CSMD1: variants seen among roughly 807,000 people sequenced by gnomAD.
The protein encoded by CSMD1 is CUB and sushi domain-containing protein 1.
A neutral mutation model predicts 417.5 loss-of-function variants in CSMD1; 213 were observed. The ratio of observed to expected loss-of-function variants is 0.51; its 90% CI spans 0.46 to 0.57. The LOEUF is 0.57. CSMD1 is among the 20% of genes least tolerant of loss of function. The probability of loss-of-function intolerance (pLI) is 0.00; values close to 1 mark genes in which losing one functional copy is unlikely to be tolerated. For missense variants in CSMD1, 6,923 were observed against 4,529.7 expected (o/e 1.53, Z -15.17); for synonymous variants, 2,862 against 1,736.8 (o/e 1.65, Z -16.11).
chr8:4,064,357 T>C (rs1799134393), intron 3 of CSMD1, among the ~76,000 whole-genome samples: 1 of 152,214 alleles, frequency 6.6e-6, no homozygotes, highest in Non-Finnish European at 1.5e-5. Context: ...ACAAATTGTA[T>C]CTCTGTTTAG....
intron 33 of CSMD1, among the ~76,000 whole-genome samples, chr8:3,190,442 A>C (rs772114196): frequency 1.2e-4 from 19 of 152,154 alleles, no homozygotes; most frequent in Non-Finnish European, 2.6e-4. Flanking sequence ...CCTTATGAGG[A>C]CGGATTGATA....
chr8:4,481,517 G>A (rs1801100510), intron 2 of CSMD1, among the ~76,000 whole-genome samples: 2 of 152,148 alleles, frequency 1.3e-5, no homozygotes, highest in African/African-American at 4.8e-5. Flanking sequence ...CTCATTTGCT[G>A]TTTTAAAGAT....
intron 2 of CSMD1, among the ~76,000 whole-genome samples, chr8:4,577,778 C>T (rs919208079): frequency 2.0e-5 from 3 of 152,184 alleles, no homozygotes; most frequent in Non-Finnish European, 4.4e-5. Flanking sequence ...TAACTGAAAG[C>T]TCATTGAGAA....
chr8:3,285,022 G>C (rs1159232578), intron 25 of CSMD1, among the ~76,000 whole-genome samples: 1 of 152,146 alleles, frequency 6.6e-6, no homozygotes, highest in African/African-American at 2.4e-5. Context: ...CTCACATTCA[G>C]AGGCAGCAGG....
intron 25 of CSMD1, among the ~76,000 whole-genome samples, chr8:3,305,643 A>G (rs1013206244): frequency 6.6e-6 from 1 of 152,160 alleles, no homozygotes; most frequent in South Asian, 2.1e-4. Flanking sequence ...CCCATCCTCC[A>G]GAACTGTTAA....
intron 1 of CSMD1, among the ~76,000 whole-genome samples, chr8:4,781,676 G>A (rs1167129684): frequency 6.6e-6 from 1 of 152,138 alleles, no homozygotes; most frequent in Admixed American, 6.5e-5. Flanking sequence ...AATGGTATCG[G>A]TCATGAAGAA....
intron 5 of CSMD1, among the ~76,000 whole-genome samples, chr8:3,936,304 C>A (rs1271898600): frequency 6.6e-6 from 1 of 152,090 alleles, no homozygotes; most frequent in Non-Finnish European, 1.5e-5. Context: ...AAGGTGGCTA[C>A]ACTAAAAGGC....
chr8:4,973,664 A>T (rs73497729), intron 1 of CSMD1, among the ~76,000 whole-genome samples: 8,559 of 152,256 alleles, frequency 0.056, 801 homozygotes, highest in African/African-American at 0.2. Flanking sequence ...ATTGAAGAAT[A>T]ATACCCATTC....
chr8:4,820,099 A>T (rs773456838), intron 1 of CSMD1, among the ~76,000 whole-genome samples: 2 of 152,122 alleles, frequency 1.3e-5, no homozygotes, highest in Non-Finnish European at 2.9e-5. Flanking sequence ...AAAGCCACCT[A>T]AGGCAAATCT....
chr8:3,858,027 G>C (rs535610849), intron 5 of CSMD1, among the ~76,000 whole-genome samples: 3 of 152,270 alleles, frequency 2.0e-5, no homozygotes, highest in Non-Finnish European at 4.4e-5. Flanking sequence ...ATGTGTTCTT[G>C]GAAAAATTAG....
At chr8:3,624,813 A>G (rs1796415815) in intron 7 of CSMD1, among the ~76,000 whole-genome samples, 1 of 152,192 alleles carries the variant, frequency 6.6e-6, no homozygotes, top group South Asian at 2.1e-4. Flanking sequence ...AGCATTTTGT[A>G]GACTCAGTAT....
At chr8:3,663,755 C>T (rs1358999032) in intron 7 of CSMD1, among the ~76,000 whole-genome samples, 1 of 151,902 alleles carries the variant, frequency 6.6e-6, no homozygotes, top group East Asian at 1.9e-4. Flanking sequence ...TGGACCGAAC[C>T]AACGTTCACC....
At chr8:4,062,584 G>C (rs557894947) in intron 3 of CSMD1, among the ~76,000 whole-genome samples, 1 of 152,290 alleles carries the variant, frequency 6.6e-6, no homozygotes, top group South Asian at 2.1e-4. Context: ...AAAGTTTTCA[G>C]TGATACGTCC....
chr8:3,512,855 CA>C (rs913366128), intron 10 of CSMD1, among the ~76,000 whole-genome samples: 3 of 151,996 alleles, frequency 2.0e-5, no homozygotes, highest in African/African-American at 4.8e-5. Flanking sequence ...CTCGGCCTCC[CA>C]AAATGCTGGG....
In CSMD1 at chr8:3,790,011, G is replaced by A. The variant is rs146557366; in HGVS notation, c.819-35969C>T. On this transcript the variant is annotated intron_variant, in intron 5 of 69. Coordinates refer to ENST00000635120, the MANE Select transcript of CSMD1 (RefSeq NM_033225.6). ...CTCCCAAAGTGCTGGGATTACAGGCGTAAGCCACCATGCCCGGCCGATCAT... is the reference window on the plus strand; with the variant it reads ...CTCCCAAAGTGCTGGGATTACAGGCATAAGCCACCATGCCCGGCCGATCAT... Among the ~76,000 whole-genome samples the A allele has an allele frequency of 2.8e-3, 428 of 152,248 alleles. 5 individuals are homozygous for A. The highest frequency in any genetic ancestry group is 8.2e-3 in the African/African-American group (340 of 41,554).
intron 4 of CSMD1, among the ~76,000 whole-genome samples, chr8:4,018,286 G>C (rs181238608): frequency 1.3e-5 from 2 of 152,094 alleles, no homozygotes; most frequent in African/African-American, 2.4e-5. Flanking sequence ...TCTATCTTTT[G>C]GGATTACAGT....
At chr8:4,038,719 T>C (rs1451868050) in intron 3 of CSMD1, among the ~76,000 whole-genome samples, 2 of 152,204 alleles carry the variant, frequency 1.3e-5, no homozygotes, top group African/African-American at 2.4e-5. Flanking sequence ...AATACTTATT[T>C]AGGTGATGGG....
intron 41 of CSMD1, among the ~76,000 whole-genome samples, chr8:3,142,018 C>T (rs1385116734): frequency 2.6e-5 from 4 of 152,062 alleles, no homozygotes; most frequent in South Asian, 2.1e-4. Flanking sequence ...AGGATGGTCT[C>T]GATCTCCTGA....
intron 16 of CSMD1, among the ~76,000 whole-genome samples, chr8:3,398,368 T>G (rs1459407198): frequency 6.6e-6 from 1 of 152,176 alleles, no homozygotes; most frequent in Non-Finnish European, 1.5e-5. Context: ...TTTTCTCTTG[T>G]TCTAAGAGAT....
Sources: gnomAD v4.1 joint callset for allele counts (sites outside exome capture counted in the v4.1 genomes callset) on GRCh38, gnomAD v4.1.1 for gene constraint, MANE v1.5 for transcripts, NCBI Gene and HGNC (gene_info 2026-07-23, HGNC 2026-07-21) for gene names.